METRNL: variants seen among roughly 807,000 people sequenced by gnomAD.
METRNL encodes the protein meteorin-like protein.
Under a neutral mutation model 17.4 loss-of-function variants are expected in METRNL, and 9 were observed. That is an observed-to-expected ratio of 0.52 (90% CI 0.31 to 0.90). The LOEUF (loss-of-function observed/expected upper bound fraction) is 0.90. Among genes scored for constraint, METRNL ranks in the 40% least tolerant of loss-of-function variants. The pLI is 0.05. For synonymous variants in METRNL, 215 were observed against 199.3 expected, an observed-to-expected ratio of 1.08 and a Z score of -0.66; for missense variants, 408 against 430.7, an observed-to-expected ratio of 0.95 and a Z score of 0.47.
intron 3 of METRNL, among the ~76,000 whole-genome samples, chr17:83,093,606 GC>G (rs2038166692): frequency 6.6e-6 from 1 of 152,198 alleles, no homozygotes; most frequent in Non-Finnish European, 1.5e-5. Context: ...GACACTCCTT[GC>G]CCCCCACCAG....
In METRNL at chr17:83,085,313, C is replaced by T. The variant is rs554168103; in HGVS notation, c.546C>T (p.His182=). ...GGAGGCACAGGGCGTCGGACCTGCA[C>T]GAGCTGTCTGGTGAGTGTCCTGCCT... ...LVRRHRASDL[H]ELSAPCRPCS... is the part of the protein sequence containing the mutation. Residue 182 remains histidine, a synonymous_variant, in exon 2 of 4, where the codon CAC becomes CAT. Transcript: ENST00000320095. The T allele has an allele frequency of 4.3e-5, 65 of 1,525,264 alleles. 1 individual carries two copies. Among genetic ancestry groups the T allele is most frequent in the Middle Eastern group, 1.8e-4 (1 of 5,486 alleles). 94.5% of individuals were successfully genotyped at this position (1,525,264 alleles called of 1,614,324 possible).
chr17:83,094,245 T>C lies in METRNL; in HGVS notation c.617-11T>C. ...TGCTCACTCCCTGTCCCCATCTCCT[T>C]CCCCGCACAGCCGTTCGAGGCTCCA... On this transcript the variant is annotated splice_polypyrimidine_tract_variant and intron_variant, in intron 3 of 3. Coordinates refer to ENST00000320095, the MANE Select transcript of METRNL (RefSeq NM_001004431.3). 6.4e-7 allele frequency: 1 copy of C among 1,552,304 alleles called. No homozygotes were observed. Among genetic ancestry groups the C allele is most frequent in the Admixed American group, 1.8e-5 (1 of 56,082 alleles).
chr17:83,092,358 T>G (rs1255381978), intron 2 of METRNL: 1 of 152,280 alleles, frequency 6.6e-6, no homozygotes, highest in Non-Finnish European at 1.5e-5. Context: ...CGCTGGCCCT[T>G]CCAGCCACAT....
At chr17:83,091,149 GC>G (rs963333121) in intron 2 of METRNL, among the ~76,000 whole-genome samples, 1 of 152,038 alleles carries the variant, frequency 6.6e-6, no homozygotes, top group African/African-American at 2.4e-5. Context: ...TGGCAGAGGT[GC>G]CCCCCCAGTG....
At chr17:83,091,473 C>T (rs957556031) in intron 2 of METRNL, among the ~76,000 whole-genome samples, 9 of 152,364 alleles carry the variant, frequency 5.9e-5, no homozygotes, top group Admixed American at 2.0e-4. Flanking sequence ...CCAGGGTCTC[C>T]GTTGACCACA....
At chr17:83,086,831 A>G (rs1444922117) in intron 2 of METRNL, among the ~76,000 whole-genome samples, 1 of 152,136 alleles carries the variant, frequency 6.6e-6, no homozygotes, top group Non-Finnish European at 1.5e-5. Flanking sequence ...GGGGAAATTC[A>G]ATGGTTCTAG....
At chr17:83,093,747 TC>T (rs1463978801) in intron 3 of METRNL, among the ~76,000 whole-genome samples, 1 of 152,068 alleles carries the variant, frequency 6.6e-6, no homozygotes, top group Non-Finnish European at 1.5e-5. Context: ...AGGTTTGGCC[TC>T]CCGTCGTGTG....
At chr17:83,081,395 A>AG (rs1254827348) in intron 1 of METRNL, among the ~76,000 whole-genome samples, 2 of 152,278 alleles carry the variant, frequency 1.3e-5, no homozygotes, top group East Asian at 3.9e-4. Context: ...TGTGTCGAGA[A>AG]GGGGCCGGCG....
At position 83,079,876 on chromosome 17, in the gene METRNL, G is replaced by T. The variant is rs2037961241; in HGVS notation, c.61G>T (p.Ala21Ser). The change falls in exon 1 of 4, where the codon GCC (alanine) becomes TCC (serine). Residue 21 changes from alanine to serine, a missense_variant. Transcript: ENST00000320095. ...RAGQPWPRPP[A>S]PGPPPPPLPL... is the part of the protein sequence containing the mutation. ...GGGGCAGCCGTGGCCGCGACCCCCCGCCCCGGGCCCGCCCCCGCCGCCGCT... is the reference window on the plus strand; with the variant it reads ...GGGGCAGCCGTGGCCGCGACCCCCCTCCCCGGGCCCGCCCCCGCCGCCGCT... The T allele has an allele frequency of 3.1e-6, 3 of 969,786 alleles. No homozygotes were observed. Among genetic ancestry groups the T allele is most frequent in the Non-Finnish European group, 3.7e-6 (3 of 818,012 alleles). The allele number at this position is 969,786 out of a possible 1,614,324, so 60.1% of individuals were successfully genotyped here.
rs932672571 is a variant in METRNL, at chr17:83,094,762, G to C, written c.*187G>C. ...ACCCCATGAGCTTCCAGCCAAGGAT[G>C]CCCTGGCCGATTGGAAATGCTGTAA... is the stretch of plus-strand genomic sequence containing the variant. On this transcript the variant is annotated 3_prime_UTR_variant, in exon 4 of 4. Coordinates refer to ENST00000320095, the MANE Select transcript of METRNL (RefSeq NM_001004431.3). 2 of 414,574 alleles carry C rather than the reference G, an allele frequency of 4.8e-6. No homozygotes were observed. Among genetic ancestry groups the C allele is most frequent in the African/African-American group, 4.1e-5 (2 of 48,896 alleles). 25.7% of individuals were successfully genotyped at this position (414,574 alleles called of 1,614,324 possible).
chr17:83,086,840 A>G (rs2038058217), intron 2 of METRNL, among the ~76,000 whole-genome samples: 1 of 151,982 alleles, frequency 6.6e-6, no homozygotes, highest in African/African-American at 2.4e-5. Flanking sequence ...CAATGGTTCT[A>G]GTTGTCAGCT....
rs751054994 is a variant in METRNL, at chr17:83,094,601, C to A, written c.*26C>A. 1 of 1,425,864 alleles carries A rather than the reference C, an allele frequency of 7.0e-7. No individual in the cohort carries two copies. 88.3% of individuals were successfully genotyped at this position (1,425,864 alleles called of 1,614,324 possible). Reference sequence around the variant, plus strand: ...CTCCGTGGGCCGCTGCCCTTCCTCTCCTGATGAGTCACAGGCTGCGGTGGG... The same window carrying A: ...CTCCGTGGGCCGCTGCCCTTCCTCTACTGATGAGTCACAGGCTGCGGTGGG... On this transcript the variant is annotated 3_prime_UTR_variant, in exon 4 of 4. Transcript: ENST00000320095.
intron 2 of METRNL, among the ~76,000 whole-genome samples, chr17:83,085,769 T>C (rs2038046090): frequency 1.3e-5 from 2 of 152,214 alleles, no homozygotes; most frequent in African/African-American, 2.4e-5. Flanking sequence ...CCCATGCTTG[T>C]GGATCGTGTA....
Position 83,094,641 on chromosome 17 carries a change from T to G in METRNL, c.*66T>G. 1 of 1,331,362 alleles carries G rather than the reference T, an allele frequency of 7.5e-7. No homozygotes were observed. Among genetic ancestry groups the G allele is most frequent in the Non-Finnish European group, 9.8e-7 (1 of 1,023,752 alleles). The allele number at this position is 1,331,362 out of a possible 1,614,324, so 82.5% of individuals were successfully genotyped here. A position where few individuals can be genotyped will look rare whatever the true frequency, so the allele number is the denominator to read the frequency against. ...GCTGCGGTGGGCGCTGCGGTCCTGG[T>G]GGGGCCGTGCGGTGAGGGCCGCGCG... On this transcript the variant is annotated 3_prime_UTR_variant, in exon 4 of 4. Coordinates refer to ENST00000320095, the MANE Select transcript of METRNL (RefSeq NM_001004431.3).
At chr17:83,091,335 C>T (rs530884877) in intron 2 of METRNL, among the ~76,000 whole-genome samples, 33 of 152,334 alleles carry the variant, frequency 2.2e-4, no homozygotes, top group African/African-American at 7.7e-4. Context: ...GTGAGTCAGG[C>T]ACTGAGCCCG....
intron 1 of METRNL, among the ~76,000 whole-genome samples, chr17:83,080,988 C>G (rs1298828727): frequency 1.3e-5 from 2 of 151,466 alleles, no homozygotes; most frequent in African/African-American, 4.8e-5. Flanking sequence ...CGCAGGTCTC[C>G]CCGCAGCCGC....
intron 2 of METRNL, among the ~76,000 whole-genome samples, chr17:83,088,189 G>A (rs889260024): frequency 6.6e-6 from 1 of 152,246 alleles, no homozygotes; most frequent in African/African-American, 2.4e-5. Context: ...CGCCTCTGCA[G>A]GCGACACGGA....
At chr17:83,089,088 C>T (rs1398016899) in intron 2 of METRNL, among the ~76,000 whole-genome samples, 1 of 151,952 alleles carries the variant, frequency 6.6e-6, no homozygotes, top group Non-Finnish European at 1.5e-5. Context: ...GCTATGGGGC[C>T]AACACCCCCG....
chr17:83,086,450 G>A (rs2038053685), intron 2 of METRNL, among the ~76,000 whole-genome samples: 1 of 152,188 alleles, frequency 6.6e-6, no homozygotes, highest in South Asian at 2.1e-4. Context: ...CTTTAACCAC[G>A]GCGGCCTTTA....
Sources: gnomAD v4.1 joint callset for allele counts (sites outside exome capture counted in the v4.1 genomes callset) on GRCh38, gnomAD v4.1.1 for gene constraint, MANE v1.5 for transcripts, NCBI Gene and HGNC (gene_info 2026-07-23, HGNC 2026-07-21) for gene names.